Variants in OPCML observed in about 807,000 individuals in gnomAD.
The protein encoded by OPCML is opioid-binding protein/cell adhesion molecule.
Under a neutral mutation model 37.8 loss-of-function variants are expected in OPCML, and 13 were observed. The observed-to-expected ratio is 0.34, with a 90% CI of 0.22 to 0.55. The LOEUF is 0.55. OPCML is among the 20% of genes least tolerant of loss of function. The pLI is 0.91. For synonymous variants in OPCML, 176 were observed against 168.8 expected (o/e 1.04, Z -0.33); for missense variants, 341 against 435.6 (o/e 0.78, Z 1.93).
At chr11:133,029,500 A>G (rs1947626146) in intron 1 of OPCML, among the ~76,000 whole-genome samples, 1 of 152,232 alleles carries the variant, frequency 6.6e-6, no homozygotes, top group African/African-American at 2.4e-5. Flanking sequence ...TTGGATAAAG[A>G]AGATGTGCTA....
chr11:132,423,616 A>G (rs2095967577), intron 7 of OPCML, among the ~76,000 whole-genome samples: 1 of 152,244 alleles, frequency 6.6e-6, no homozygotes, highest in Admixed American at 6.5e-5. Flanking sequence ...AAATGAGGAA[A>G]AGAAAGTTTC....
At chr11:132,949,611 C>A (rs1565362082) in intron 1 of OPCML, among the ~76,000 whole-genome samples, 1 of 152,188 alleles carries the variant, frequency 6.6e-6, no homozygotes, top group African/African-American at 2.4e-5. Flanking sequence ...AGGGTGATAA[C>A]CAAGACTAAC....
rs373227575 is a variant in OPCML, at chr11:133,130,071, C to T, written c.62-187061G>A. 2.4e-4 allele frequency among the ~76,000 whole-genome samples: 37 copies of T among 151,600 alleles called. 1 individual carries two copies. Among genetic ancestry groups the T allele is most frequent in the East Asian group, 1.9e-3 (10 of 5,164 alleles). On this transcript the variant is annotated intron_variant, in intron 1 of 7. Coordinates refer to ENST00000524381, the MANE Select transcript of OPCML (RefSeq NM_001012393.5). ...ACAGTTATTATAACTGTATTCCATA[C>T]GTTCAAATAGTTAAGCAGAGACATG...
intron 2 of OPCML, among the ~76,000 whole-genome samples, chr11:132,830,226 G>T (rs1002727858): frequency 6.6e-6 from 1 of 152,066 alleles, no homozygotes; most frequent in Non-Finnish European, 1.5e-5. Flanking sequence ...TGCACATCTG[G>T]TGTTTCTTCC....
At chr11:132,576,973 C>T (rs1017339618) in intron 3 of OPCML, among the ~76,000 whole-genome samples, 3 of 152,154 alleles carry the variant, frequency 2.0e-5, no homozygotes, top group African/African-American at 7.2e-5. Flanking sequence ...AGTCTGACCC[C>T]ATTCAGGAAT....
intron 4 of OPCML, among the ~76,000 whole-genome samples, chr11:132,504,784 T>C (rs1191619071): frequency 6.6e-6 from 1 of 152,062 alleles, no homozygotes; most frequent in Non-Finnish European, 1.5e-5. Flanking sequence ...CGAGCTATTG[T>C]GTGGCTGTAT....
chr11:133,113,184 G>A, intron 1 of OPCML, among the ~76,000 whole-genome samples: 1 of 152,058 alleles, frequency 6.6e-6, no homozygotes, highest in Admixed American at 6.6e-5. Context: ...AAACTGTATG[G>A]GTATAAAATT....
chr11:132,491,615 T>G (rs2096215852), intron 4 of OPCML, among the ~76,000 whole-genome samples: 1 of 152,272 alleles, frequency 6.6e-6, no homozygotes, highest in Non-Finnish European at 1.5e-5. Context: ...TTCATAGCAT[T>G]AATCATTGCC....
At chr11:132,851,321 A>C (rs981955835) in intron 2 of OPCML, among the ~76,000 whole-genome samples, 8 of 152,202 alleles carry the variant, frequency 5.3e-5, no homozygotes, top group Non-Finnish European at 1.2e-4. Context: ...TGATAGCTGC[A>C]TTTTAATACA....
intron 1 of OPCML, among the ~76,000 whole-genome samples, chr11:133,158,895 A>C (rs1950105190): frequency 6.6e-6 from 1 of 152,104 alleles, no homozygotes; most frequent in Non-Finnish European, 1.5e-5. Context: ...CAGCGAGGGC[A>C]GAAATGTGGT....
At chr11:132,881,358 C>T (rs922778387) in intron 2 of OPCML, among the ~76,000 whole-genome samples, 80 of 152,138 alleles carry the variant, frequency 5.3e-4, no homozygotes, top group Non-Finnish European at 7.9e-4. Flanking sequence ...CATGAGCCTC[C>T]AGGATTGCAG....
intron 2 of OPCML, among the ~76,000 whole-genome samples, chr11:132,848,703 T>G (rs866826864): frequency 6.6e-6 from 1 of 152,224 alleles, no homozygotes; most frequent in Admixed American, 6.5e-5. Flanking sequence ...AGTAATAAGA[T>G]AGTCCATAAA....
At chr11:132,914,409 C>G (rs1944538914) in intron 2 of OPCML, among the ~76,000 whole-genome samples, 1 of 152,194 alleles carries the variant, frequency 6.6e-6, no homozygotes, top group East Asian at 1.9e-4. Context: ...ATTTTCTGTT[C>G]CAATATAATA....
chr11:132,542,951 G>C (rs1455809475), intron 3 of OPCML, among the ~76,000 whole-genome samples: 1 of 152,190 alleles, frequency 6.6e-6, no homozygotes, highest in Non-Finnish European at 1.5e-5. Context: ...CAGAATTGAA[G>C]AAGGAAATTC....
intron 1 of OPCML, among the ~76,000 whole-genome samples, chr11:133,134,529 G>A (rs1186049869): frequency 1.3e-5 from 2 of 151,582 alleles, no homozygotes; most frequent in Admixed American, 1.3e-4. Context: ...GGGCAGTGGA[G>A]GCAGGAGAGA....
At chr11:133,003,841 T>A (rs1048258016) in intron 1 of OPCML, 2 of 985,342 alleles carry the variant, frequency 2.0e-6, no homozygotes, top group South Asian at 9.4e-5. Flanking sequence ...AAATGAATAA[T>A]GCAGATCCTT....
At chr11:132,649,493 G>A (rs553281820) in intron 3 of OPCML, among the ~76,000 whole-genome samples, 15 of 152,216 alleles carry the variant, frequency 9.9e-5, no homozygotes, top group Middle Eastern at 3.4e-3. Context: ...AACCCTGAGC[G>A]CAGGGGGCGG....
chr11:132,537,581 G>T (rs904352654), intron 3 of OPCML, among the ~76,000 whole-genome samples: 2 of 152,070 alleles, frequency 1.3e-5, no homozygotes, highest in African/African-American at 4.8e-5. Context: ...AGATAAACCG[G>T]ACTTCATTCA....
intron 1 of OPCML, among the ~76,000 whole-genome samples, chr11:133,145,923 G>A (rs1949890956): frequency 6.6e-6 from 1 of 152,058 alleles, no homozygotes; most frequent in African/African-American, 2.4e-5. Flanking sequence ...GGAGGAGAGA[G>A]AATGAATTTA....
Sources: allele counts gnomAD v4.1 joint callset (sites outside exome capture counted in the v4.1 genomes callset), GRCh38; gene constraint gnomAD v4.1.1; transcripts MANE v1.5; gene names NCBI Gene and HGNC (gene_info 2026-07-23, HGNC 2026-07-21).